ZNF420: variants seen among roughly 807,000 people sequenced by gnomAD.
ZNF420 encodes the protein zinc finger protein 420.
Under a neutral mutation model 44.7 loss-of-function variants are expected in ZNF420, and 31 were observed. That is an observed-to-expected ratio of 0.69 (90% CI 0.52 to 0.94). ZNF420 has a LOEUF of 0.94. Ranked by LOEUF, ZNF420 falls within the 40% of genes least tolerant of loss-of-function variation. ZNF420 has a pLI of 0.00. For synonymous variants in ZNF420, 245 were observed against 267.4 expected (o/e 0.92, Z 0.82); for missense variants, 681 against 827.9 (o/e 0.82, Z 2.18).
chr19:37,094,559 C>A (rs1448587182), intron 4 of ZNF420, among the ~76,000 whole-genome samples: 1 of 151,982 alleles, frequency 6.6e-6, no homozygotes, highest in Non-Finnish European at 1.5e-5. Flanking sequence ...AGTCCACATA[C>A]AATATTTGGT....
At chr19:37,057,662 G>C (rs557106474) in intron 1 of ZNF420, among the ~76,000 whole-genome samples, 1 of 152,046 alleles carries the variant, frequency 6.6e-6, no homozygotes, top group Non-Finnish European at 1.5e-5. Flanking sequence ...TTTCGTGGTG[G>C]TTCCACTTTG....
intron 4 of ZNF420, among the ~76,000 whole-genome samples, chr19:37,117,445 G>C (rs1158980375): frequency 6.6e-6 from 1 of 152,150 alleles, no homozygotes; most frequent in Non-Finnish European, 1.5e-5. Context: ...AAACAGAAAG[G>C]ACATCCACAC....
chr19:37,112,945 G>C (rs1228178762), intron 4 of ZNF420, among the ~76,000 whole-genome samples: 1 of 150,956 alleles, frequency 6.6e-6, no homozygotes, highest in Non-Finnish European at 1.5e-5. Flanking sequence ...TGCTTGTATA[G>C]TACACAAATC....
intron 4 of ZNF420, among the ~76,000 whole-genome samples, chr19:37,120,699 T>C (rs1970979615): frequency 1.3e-5 from 2 of 152,268 alleles, no homozygotes; most frequent in Middle Eastern, 3.4e-3. Context: ...TGTTTGCAGA[T>C]GACATGATTG....
intron 4 of ZNF420, among the ~76,000 whole-genome samples, chr19:37,117,561 C>T (rs1970767197): frequency 1.3e-5 from 2 of 152,300 alleles, no homozygotes; most frequent in South Asian, 4.1e-4. Flanking sequence ...AAAAGCAGAG[C>T]ACCTCTCCTC....
At chr19:37,065,417 T>G (rs1407378583) in intron 1 of ZNF420, among the ~76,000 whole-genome samples, 1 of 152,202 alleles carries the variant, frequency 6.6e-6, no homozygotes, top group Non-Finnish European at 1.5e-5. Flanking sequence ...TCCCAACACT[T>G]TCCCAGCTGG....
intron 4 of ZNF420, among the ~76,000 whole-genome samples, chr19:37,115,461 G>A (rs930763927): frequency 2.0e-5 from 3 of 151,924 alleles, no homozygotes; most frequent in Admixed American, 6.6e-5. Context: ...AGGAAAACAT[G>A]TGAACAGAGG....
At chr19:37,035,806 T>C (rs1234196991) in intron 1 of ZNF420, among the ~76,000 whole-genome samples, 1 of 133,852 alleles carries the variant, frequency 7.5e-6, no homozygotes, top group Non-Finnish European at 1.6e-5. Context: ...CCCTTAATAA[T>C]TGTTAGCTAT....
At chr19:37,021,366 CAA>C (rs1456949853) in intron 1 of ZNF420, among the ~76,000 whole-genome samples, 1 of 152,150 alleles carries the variant, frequency 6.6e-6, no homozygotes, top group East Asian at 1.9e-4. Flanking sequence ...CTCCTGGGCT[CAA>C]GTGATTCTTC....
chr19:37,123,959 T>A (rs1434804352), intron 4 of ZNF420, among the ~76,000 whole-genome samples: 17 of 152,136 alleles, frequency 1.1e-4, no homozygotes, highest in Admixed American at 1.0e-3. Flanking sequence ...TACCCACCAT[T>A]TATTGGTGTT....
intron 3 of ZNF420, among the ~76,000 whole-genome samples, chr19:37,090,312 T>C (rs1462154108): frequency 6.6e-6 from 1 of 151,154 alleles, no homozygotes; most frequent in Non-Finnish European, 1.5e-5. Context: ...CTGGGCAACA[T>C]AACAAGACCC....
intron 1 of ZNF420, among the ~76,000 whole-genome samples, chr19:37,037,214 TCTGAGTGC>T (rs1459180738): frequency 6.6e-6 from 1 of 152,096 alleles, no homozygotes; most frequent in Non-Finnish European, 1.5e-5. Flanking sequence ...TGGCCAGGTG[TCTGAGTGC>T]CCAGAGTATG....
chr19:37,127,284 A>G lies in ZNF420; in HGVS notation c.293A>G (p.Lys98Arg). 6.2e-7 allele frequency: 1 copy of G among 1,613,638 alleles called. No homozygotes were observed. Among genetic ancestry groups the G allele is most frequent in the Non-Finnish European group, 8.5e-7 (1 of 1,179,786 alleles). ...DYLEAKGKME[K>R]QQENQKEYFR... is the part of the protein sequence containing the mutation. Reference sequence around the variant, plus strand: ...TTGGAAGCCAAAGGCAAGATGGAGAAGCAACAAGAAAATCAGAAGGAATAT... The same window carrying G: ...TTGGAAGCCAAAGGCAAGATGGAGAGGCAACAAGAAAATCAGAAGGAATAT... The change falls in exon 5 of 5, where the codon AAG becomes AGG. Residue 98 changes from lysine (K) to arginine (R), a missense_variant. Physicochemically the swap from Lys to Arg is conservative, Grantham distance 26 (BLOSUM62 2). This residue lies in a region of ZNF420 where 350 missense variants were observed against 382.5 expected (regional missense o/e 0.92). Transcript: ENST00000337995.
upstream of ZNF420, among the ~76,000 whole-genome samples, chr19:37,077,646 T>C (rs1486300339): frequency 6.6e-6 from 1 of 152,158 alleles, no homozygotes; most frequent in Non-Finnish European, 1.5e-5. Flanking sequence ...ATTTTCACTG[T>C]CACACACGAT....
intron 1 of ZNF420, among the ~76,000 whole-genome samples, chr19:37,053,287 C>T (rs1967673878): frequency 6.6e-6 from 1 of 152,128 alleles, no homozygotes. Context: ...CGTTTTTAAC[C>T]TCTTTGCCAT....
At chr19:37,011,946 A>G (rs1038286014) in intron 1 of ZNF420, among the ~76,000 whole-genome samples, 3 of 152,168 alleles carry the variant, frequency 2.0e-5, no homozygotes, top group Admixed American at 1.3e-4. Flanking sequence ...AGGGAGGCAG[A>G]GGGCTCATGT....
chr19:37,044,605 C>A (rs528046265), intron 1 of ZNF420, among the ~76,000 whole-genome samples: 4 of 152,116 alleles, frequency 2.6e-5, no homozygotes, highest in African/African-American at 9.6e-5. Context: ...GTGGCTCATG[C>A]CTGTAATCCC....
intron 4 of ZNF420, among the ~76,000 whole-genome samples, chr19:37,114,245 ATAGCGCCCTGCCCTG>A: frequency 6.6e-6 from 1 of 152,278 alleles, no homozygotes. Context: ...TGCTGAGGAT[ATAGCGCCCTGCCCTG>A]TGGTGCTGGA....
chr19:37,083,232 G>A (rs993453035), intron 2 of ZNF420, among the ~76,000 whole-genome samples: 2 of 151,812 alleles, frequency 1.3e-5, no homozygotes, highest in African/African-American at 4.8e-5. Flanking sequence ...CTGAAGTAGG[G>A]CATAGTATCT....
Sources: allele counts gnomAD v4.1 joint callset (sites outside exome capture counted in the v4.1 genomes callset), GRCh38; gene constraint gnomAD v4.1.1; regional missense constraint gnomAD v4.1.1; transcripts MANE v1.5; gene names NCBI Gene and HGNC (gene_info 2026-07-23, HGNC 2026-07-21).